Variants in ACYP2 observed in about 807,000 individuals in gnomAD.
ACYP2 encodes the protein acylphosphatase-2.
A neutral mutation model predicts 11.2 loss-of-function variants in ACYP2; 12 were observed. The ratio of observed to expected loss-of-function variants is 1.08; its 90% CI spans 0.69 to 1.74. The LOEUF (loss-of-function observed/expected upper bound fraction) is 1.74. Ranked by LOEUF, ACYP2 falls within the 40% of genes most tolerant of loss-of-function variation. ACYP2 has a pLI of 0.00. For missense variants in ACYP2, 134 were observed against 101.9 expected (o/e 1.31, Z -1.35); for synonymous variants, 43 against 32.2 (o/e 1.33, Z -1.13).
At chr2:54,262,057 G>T (rs1687803504) in intron 6 of ACYP2, among the ~76,000 whole-genome samples, 2 of 152,162 alleles carry the variant, frequency 1.3e-5, no homozygotes, top group South Asian at 4.1e-4. Context: ...TACTAATGTA[G>T]CACTCATAGA....
intron 4 of ACYP2, among the ~76,000 whole-genome samples, chr2:54,086,497 T>G (rs1284293892): frequency 6.6e-6 from 1 of 152,216 alleles, no homozygotes; most frequent in African/African-American, 2.4e-5. Context: ...TAAAATATTC[T>G]CCAAAGAATA....
intron 2 of ACYP2, among the ~76,000 whole-genome samples, chr2:53,977,121 C>T (rs1462752443): frequency 6.6e-6 from 1 of 152,156 alleles, no homozygotes; most frequent in East Asian, 1.9e-4. Flanking sequence ...GATCTGGGCT[C>T]ACTGCAACCT....
chr2:54,221,034 G>A lies in ACYP2; in HGVS notation c.404+82286G>A, dbSNP rs532373289. On this transcript the variant is annotated intron_variant, in intron 6 of 6. Coordinates refer to ENST00000607452, the MANE Select transcript of ACYP2 (RefSeq NM_001320586.2). ...ATGAATGTTAGTGATGTGATATAAA[G>A]CCTTAAATATGCTTGCATGGTTTGG... 2.1e-3 allele frequency among the ~76,000 whole-genome samples: 316 copies of A among 152,304 alleles called. 1 individual carries two copies. The highest frequency in any genetic ancestry group is 7.3e-3 in the African/African-American group (302 of 41,556).
intron 4 of ACYP2, among the ~76,000 whole-genome samples, chr2:54,072,271 G>A (rs922135066): frequency 6.6e-6 from 1 of 152,116 alleles, no homozygotes; most frequent in Admixed American, 6.5e-5. Context: ...CAGATTCAAT[G>A]CTATTCCAAT....
chr2:54,140,785 G>A (rs182190418), intron 6 of ACYP2, among the ~76,000 whole-genome samples: 13 of 151,614 alleles, frequency 8.6e-5, no homozygotes, highest in Non-Finnish European at 1.5e-4. Flanking sequence ...CTTGTTTTTT[G>A]CAATAAGAGC....
At chr2:54,137,682 T>C (rs758610823) in intron 5 of ACYP2, among the ~76,000 whole-genome samples, 1 of 152,212 alleles carries the variant, frequency 6.6e-6, no homozygotes, top group Non-Finnish European at 1.5e-5. Flanking sequence ...CAGTCTACCA[T>C]TGATGGGCAT....
Position 54,232,694 on chromosome 2 carries a change from C to T in ACYP2, c.405-71994C>T, listed in dbSNP as rs544577481. ...GCATGGCTGGGGAGGCCTCAGGAAA[C>T]GTACAATCATGGCAGAAGGCAAAGG... On this transcript the variant is annotated intron_variant, in intron 6 of 6. Coordinates refer to ENST00000607452, the MANE Select transcript of ACYP2 (RefSeq NM_001320586.2). Among the ~76,000 whole-genome samples, 75 of 152,144 alleles carry T rather than the reference C, an allele frequency of 4.9e-4. 1 individual carries two copies. The South Asian group carries it at 0.012, about 24-fold the overall frequency.
chr2:54,229,246 T>C (rs903498358), intron 6 of ACYP2, among the ~76,000 whole-genome samples: 1 of 152,218 alleles, frequency 6.6e-6, no homozygotes, highest in African/African-American at 2.4e-5. Flanking sequence ...ACCCAAAGAC[T>C]GTGGAACAGG....
chr2:54,169,907 G>T (rs1250566403), intron 6 of ACYP2, among the ~76,000 whole-genome samples: 1 of 151,902 alleles, frequency 6.6e-6, no homozygotes, highest in Admixed American at 6.6e-5. Flanking sequence ...CAGATTAACT[G>T]GTATCTCTTA....
intron 6 of ACYP2, among the ~76,000 whole-genome samples, chr2:54,246,549 A>G (rs1686960185): frequency 6.6e-6 from 1 of 152,114 alleles, no homozygotes; most frequent in Non-Finnish European, 1.5e-5. Context: ...TGTAATCTAA[A>G]ATCTATTGAT....
At chr2:54,286,163 TG>T (rs1487465003) in intron 6 of ACYP2, among the ~76,000 whole-genome samples, 1 of 150,232 alleles carries the variant, frequency 6.7e-6, no homozygotes, top group African/African-American at 2.5e-5. Flanking sequence ...GAGGCCAAGA[TG>T]GGAGGATTTC....
chr2:54,266,590 CTTTTTTTTTTTTTTTTTT>C (rs138812389), intron 6 of ACYP2, among the ~76,000 whole-genome samples: 1,197 of 52,328 alleles, frequency 0.023, 49 homozygotes, highest in Middle Eastern at 0.087. Flanking sequence ...ATCTATCTAT[CTTTTTTTTTTTTTTTTTT>C]TTTTTTTTTT....
chr2:54,060,656 T>A (rs1676420720), intron 4 of ACYP2, among the ~76,000 whole-genome samples: 1 of 152,244 alleles, frequency 6.6e-6, no homozygotes, highest in Non-Finnish European at 1.5e-5. Context: ...TTTATTTTGG[T>A]ATGATAGAAT....
chr2:54,044,599 G>A (rs1048240220), intron 2 of ACYP2, among the ~76,000 whole-genome samples: 16 of 149,816 alleles, frequency 1.1e-4, no homozygotes, highest in Admixed American at 1.3e-4. Flanking sequence ...ACTCCTGCCC[G>A]CCCCTCTCAA....
intron 2 of ACYP2, among the ~76,000 whole-genome samples, chr2:54,027,837 C>CTTTCTTTTTTTTTTT (rs772573473): frequency 1.0e-5 from 1 of 97,894 alleles, no homozygotes; most frequent in Non-Finnish European, 1.9e-5. Flanking sequence ...TTCTTTCTTT[C>CTTTCTTTTTTTTTTT]TTTTTTTTTT....
chr2:54,094,864 AT>A (rs946680463), intron 4 of ACYP2, among the ~76,000 whole-genome samples: 2 of 150,816 alleles, frequency 1.3e-5, no homozygotes, highest in African/African-American at 2.4e-5. Flanking sequence ...TTTTATTATT[AT>A]TTTTTAATCT....
At chr2:54,144,955 G>A (rs1681818852) in intron 6 of ACYP2, among the ~76,000 whole-genome samples, 1 of 151,830 alleles carries the variant, frequency 6.6e-6, no homozygotes, top group African/African-American at 2.4e-5. Context: ...AGTTGCCGTT[G>A]TTTTTAGTTT....
At chr2:54,102,620 A>G (rs1041806959) in intron 4 of ACYP2, among the ~76,000 whole-genome samples, 3 of 134,262 alleles carry the variant, frequency 2.2e-5, no homozygotes, top group Non-Finnish European at 3.2e-5. Context: ...TAGAAACCCA[A>G]TTTAAGCTGG....
chr2:54,080,465 G>GC, intron 4 of ACYP2: 1 of 152,254 alleles, frequency 6.6e-6, no homozygotes, highest in East Asian at 1.9e-4. Context: ...CAATGTTGCA[G>GC]TTGATCAAAA....
Sources: gnomAD v4.1 joint callset for allele counts (sites outside exome capture counted in the v4.1 genomes callset) on GRCh38, gnomAD v4.1.1 for gene constraint, MANE v1.5 for transcripts, NCBI Gene and HGNC (gene_info 2026-07-23, HGNC 2026-07-21) for gene names.